Variants in SIPA1 observed in about 807,000 individuals in gnomAD.
SIPA1 encodes signal-induced proliferation-associated 1.
Under a neutral mutation model 88.1 loss-of-function variants are expected in SIPA1, and 51 were observed. That is an observed-to-expected ratio of 0.58 (90% CI 0.46 to 0.73). SIPA1 has a LOEUF of 0.73. Among genes scored for constraint, SIPA1 ranks in the 30% least tolerant of loss-of-function variants. The pLI is 0.00. For synonymous variants in SIPA1, 681 were observed against 664.8 expected (o/e 1.02, Z -0.37); for missense variants, 1,348 against 1,467.6 (o/e 0.92, Z 1.33).
At position 65,650,700 on chromosome 11, in the gene SIPA1, CG is replaced by C; in HGVS notation, c.3115del (p.Ala1039ProfsTer34). 1 of 1,580,038 alleles carries C rather than the reference CG, an allele frequency of 6.3e-7. No homozygotes were observed. Among genetic ancestry groups the C allele is most frequent in the Non-Finnish European group, 8.6e-7 (1 of 1,163,068 alleles). ...LASKQLGSPT[A>X]DLA ...CCTCCAAGCAGCTGGGCTCACCCACCGCCGACCTGGCCTGAGCCGTCTGGAA... is the reference window on the plus strand; with the variant it reads ...CCTCCAAGCAGCTGGGCTCACCCACCCCGACCTGGCCTGAGCCGTCTGGAA... On this transcript the variant is annotated frameshift_variant, in exon 16 of 16. Transcript: ENST00000534313. LOFTEE classifies it high-confidence loss of function.
Position 65,646,119 on chromosome 11 carries a change from G to C in SIPA1, c.1264-102G>C. ...GAAACACCCTAGGTCTTCACCAGGG[G>C]CAGTGGGGGAGCCATTGGTGCCTTG... On this transcript the variant is annotated intron_variant, in intron 6 of 15. Transcript: ENST00000534313. This position sits in a 1 kb window ranked among gnomAD's most constrained non-coding sequence, Gnocchi z 7.5. 7.0e-7 allele frequency: 1 copy of C among 1,424,262 alleles called. No homozygotes were observed. The highest frequency in any genetic ancestry group is 9.7e-7 in the Non-Finnish European group (1 of 1,029,106). 88.2% of individuals were successfully genotyped at this position (1,424,262 alleles called of 1,614,324 possible).
At position 65,649,252 on chromosome 11, in the gene SIPA1, C is replaced by T. The variant is rs200730963; in HGVS notation, c.2307-10C>T. 311 of 1,504,546 alleles carry T rather than the reference C, an allele frequency of 2.1e-4. 2 individuals carry two copies. The East Asian group carries it at 7.6e-3, about 37-fold the overall frequency. The allele number at this position is 1,504,546 out of a possible 1,614,324, so 93.2% of individuals were successfully genotyped here. On this transcript the variant is annotated splice_polypyrimidine_tract_variant and intron_variant, in intron 9 of 15. Transcript: ENST00000534313. ...GGAGAAGTCCTGCCTGACCCTGTCC[C>T]ACCCCACAGGAGTTTTTCGGAGCTG...
At chr11:65,647,871 TCTC>T (rs1369066691) in intron 9 of SIPA1, among the ~76,000 whole-genome samples, 2 of 148,512 alleles carry the variant, frequency 1.3e-5, no homozygotes, top group African/African-American at 2.5e-5. Flanking sequence ...CTCTCTCCTC[TCTC>T]TTTTTTTTTT....
In SIPA1 at chr11:65,642,104, G is replaced by C; in HGVS notation, c.680-146G>C. 1 of 1,169,090 alleles carries C rather than the reference G, an allele frequency of 8.6e-7. No individual in the cohort carries two copies. Among genetic ancestry groups the C allele is most frequent in the Non-Finnish European group, 1.2e-6 (1 of 833,838 alleles). The allele number at this position is 1,169,090 out of a possible 1,614,324, so 72.4% of individuals were successfully genotyped here. ...GGTTGAGATCAAGATATTGAGCTCGGGGCTACAGAGGGGCGGGACTTAGTC... is the reference window on the plus strand; with the variant it reads ...GGTTGAGATCAAGATATTGAGCTCGCGGCTACAGAGGGGCGGGACTTAGTC... On this transcript the variant is annotated intron_variant, in intron 2 of 15. Transcript: ENST00000534313. The surrounding 1 kb of genome is among the most constrained non-coding windows in gnomAD (Gnocchi z 6.5).
Position 65,650,623 on chromosome 11 carries a change from A to T in SIPA1, c.3037A>T (p.Asn1013Tyr). Reference sequence around the variant, plus strand: ...GGAGGTGCGGAGCCTGAGACACAACAACCGGCGGCTGCAGGCGGAGTCTGA... The same window carrying T: ...GGAGGTGCGGAGCCTGAGACACAACTACCGGCGGCTGCAGGCGGAGTCTGA... ...EEEVRSLRHN[N>Y]RRLQAESESA... The change falls in exon 16 of 16, where the codon AAC becomes TAC. Residue 1013 changes from asparagine to tyrosine, a missense_variant. Physicochemically the swap from Asn to Tyr is moderately radical, Grantham distance 143. This residue lies in a region of SIPA1 where 615 missense variants were observed against 559.8 expected (regional missense o/e 1.10). Transcript: ENST00000534313. 1.3e-6 allele frequency: 2 copies of T among 1,578,176 alleles called. No homozygotes were observed. The highest frequency in any genetic ancestry group is 1.7e-6 in the Non-Finnish European group (2 of 1,161,794).
Position 65,650,831 on chromosome 11 carries a change from T to G in SIPA1, c.*116T>G, listed in dbSNP as rs2135537829. 8.3e-7 allele frequency: 1 copy of G among 1,201,794 alleles called. No homozygotes were observed. 74.4% of individuals were successfully genotyped at this position (1,201,794 alleles called of 1,614,324 possible). On this transcript the variant is annotated 3_prime_UTR_variant, in exon 16 of 16. Coordinates refer to ENST00000534313, the MANE Select transcript of SIPA1 (RefSeq NM_006747.4). ...CTGCCCCCCTCCCTAGCCCCTTATTTGGTGGCGGAAGTGGCCTCCACCCCT... is the reference window on the plus strand; with the variant it reads ...CTGCCCCCCTCCCTAGCCCCTTATTGGGTGGCGGAAGTGGCCTCCACCCCT...
rs374168702 is a variant in SIPA1, at chr11:65,646,196, C to G, written c.1264-25C>G. The G allele has an allele frequency of 3.2e-5, 51 of 1,611,088 alleles. No homozygotes were observed. The highest frequency in any genetic ancestry group is 4.2e-5 in the Non-Finnish European group (50 of 1,178,668). On this transcript the variant is annotated intron_variant, in intron 6 of 15. Coordinates refer to ENST00000534313, the MANE Select transcript of SIPA1 (RefSeq NM_006747.4). The surrounding 1 kb of genome is among the most constrained non-coding windows in gnomAD (Gnocchi z 7.5). ...GTTTGGGGCACAGAAGACCTCATCA[C>G]GAGCCCCTACTATCCAACCCCTAGC... is the stretch of plus-strand genomic sequence containing the variant.
chr11:65,646,819 C>A lies in SIPA1; in HGVS notation c.1785C>A (p.Ala595=). The part of the protein sequence containing the change: ...VRAAPGARVA[A]GAQASGPEGI... ...CGGCGCCCGGGGCGCGGGTCGCCGCCGGGGCTCAGGCGAGCGGCCCCGAAG... is the reference window on the plus strand; with the variant it reads ...CGGCGCCCGGGGCGCGGGTCGCCGCAGGGGCTCAGGCGAGCGGCCCCGAAG... The change falls in exon 8 of 16, where the codon GCC becomes GCA. Residue 595 remains alanine, a synonymous_variant. Coordinates refer to ENST00000534313, the MANE Select transcript of SIPA1 (RefSeq NM_006747.4). This position sits in a 1 kb window ranked among gnomAD's most constrained non-coding sequence, Gnocchi z 7.5. 1 of 1,287,948 alleles carries A rather than the reference C, an allele frequency of 7.8e-7. No individual in the cohort carries two copies. Among genetic ancestry groups the A allele is most frequent in the Non-Finnish European group, 9.8e-7 (1 of 1,020,894 alleles). The allele number at this position is 1,287,948 out of a possible 1,614,324, so 79.8% of individuals were successfully genotyped here.
At position 65,649,997 on chromosome 11, in the gene SIPA1, A is replaced by G; in HGVS notation, c.2794A>G (p.Ile932Val). The change falls in exon 13 of 16, where the codon ATC becomes GTC. Residue 932 changes from isoleucine (I) to valine (V), a missense_variant. By Grantham distance (29) the Ile-to-Val change is conservative. Around this residue, in one of 4 missense-constraint regions of SIPA1, gnomAD observed 615 missense variants for 559.8 expected, o/e 1.10. Coordinates refer to ENST00000534313, the MANE Select transcript of SIPA1 (RefSeq NM_006747.4). The stretch of plus-strand genomic sequence containing the variant: ...GACCCTGGAGGACGAGTGGCAGGCC[A>G]TCTCGGAGATTGCCTCTACTTGCAA... ...SGTLEDEWQA[I>V]SEIASTCNTI... 6.2e-7 allele frequency: 1 copy of G among 1,613,810 alleles called. No homozygotes were observed. The highest frequency in any genetic ancestry group is 8.5e-7 in the Non-Finnish European group (1 of 1,179,942).
At chr11:65,640,491 C>T (rs941746335) in intron 1 of SIPA1, among the ~76,000 whole-genome samples, 9 of 152,236 alleles carry the variant, frequency 5.9e-5, no homozygotes, top group African/African-American at 1.4e-4. Context: ...GTCATCTGTC[C>T]GGTTGGGCTA....
At chr11:65,640,589 C>T (rs1013213641) in intron 1 of SIPA1, among the ~76,000 whole-genome samples, 1 of 152,224 alleles carries the variant, frequency 6.6e-6, no homozygotes, top group Non-Finnish European at 1.5e-5. Context: ...CCAGGGCTGC[C>T]CAGGCTCCAG....
chr11:65,642,207 C>A lies in SIPA1; in HGVS notation c.680-43C>A. 2 of 1,538,292 alleles carry A rather than the reference C, an allele frequency of 1.3e-6. No individual in the cohort carries two copies. The highest frequency in any genetic ancestry group is 1.7e-6 in the Non-Finnish European group (2 of 1,143,786). On this transcript the variant is annotated intron_variant, in intron 2 of 15. Transcript: ENST00000534313. The surrounding 1 kb of genome is among the most constrained non-coding windows in gnomAD (Gnocchi z 6.5). Reference sequence around the variant, plus strand: ...GCGTGGTCGAGCGGGGGCGGGGCTGCCAGAGGGCGGGACCAATCGTTTTCT... The same window carrying A: ...GCGTGGTCGAGCGGGGGCGGGGCTGACAGAGGGCGGGACCAATCGTTTTCT...
Position 65,642,447 on chromosome 11 carries a change from T to C in SIPA1, c.808-16T>C. 6.2e-7 allele frequency: 1 copy of C among 1,609,984 alleles called. No homozygotes were observed. Among genetic ancestry groups the C allele is most frequent in the Non-Finnish European group, 8.5e-7 (1 of 1,178,404 alleles). Reference sequence around the variant, plus strand: ...ACCTTGTATGCATCCTGAGTGCCCTTACACCCCTTCCTCAGCTCCGGACAC... The same window carrying C: ...ACCTTGTATGCATCCTGAGTGCCCTCACACCCCTTCCTCAGCTCCGGACAC... On this transcript the variant is annotated splice_polypyrimidine_tract_variant and intron_variant, in intron 3 of 15. Transcript: ENST00000534313. This position sits in a 1 kb window ranked among gnomAD's most constrained non-coding sequence, Gnocchi z 6.5.
At position 65,649,474 on chromosome 11, in the gene SIPA1, C is replaced by T; in HGVS notation, c.2519C>T (p.Pro840Leu). ...EFLHSQNSLSPRSSLSDEAPV... is the reference protein window; with the variant it reads ...EFLHSQNSLSLRSSLSDEAPV... The stretch of plus-strand genomic sequence containing the variant: ...CTGCACAGCCAGAACTCGCTGTCAC[C>T]ACGCAGGTGCACACTCTTGGCCTTC... The change falls in exon 10 of 16, where the codon CCA becomes CTA. Residue 840 changes from proline (P) to leucine (L), a missense_variant. Physicochemically the swap from Pro to Leu is moderately conservative, Grantham distance 98. Coordinates refer to ENST00000534313, the MANE Select transcript of SIPA1 (RefSeq NM_006747.4). The T allele has an allele frequency of 6.2e-7, 1 of 1,613,276 alleles. No individual in the cohort carries two copies. The highest frequency in any genetic ancestry group is 8.5e-7 in the Non-Finnish European group (1 of 1,179,536).
chr11:65,645,005 C>T lies in SIPA1; in HGVS notation c.1035C>T (p.Gly345=). The change falls in exon 5 of 16, where the codon GGC becomes GGT. Residue 345 remains glycine, a synonymous_variant. Coordinates refer to ENST00000534313, the MANE Select transcript of SIPA1 (RefSeq NM_006747.4). ...VGILYCRAGQ[G]SEEEMYNNQE... ...TCCTGTACTGCCGGGCGGGCCAGGG[C>T]TCGGAGGAGGAGATGTACAACAACC... 1 of 1,613,986 alleles carries T rather than the reference C, an allele frequency of 6.2e-7. No homozygotes were observed. Among genetic ancestry groups the T allele is most frequent in the Non-Finnish European group, 8.5e-7 (1 of 1,179,888 alleles).
chr11:65,650,721 C>A lies in SIPA1; in HGVS notation c.*6C>A. 6.4e-7 allele frequency: 1 copy of A among 1,561,902 alleles called. No homozygotes were observed. The highest frequency in any genetic ancestry group is 1.9e-5 in the Admixed American group (1 of 53,738). ...CCACCGCCGACCTGGCCTGAGCCGT[C>A]TGGAACCACCTGGGCCCCTGAGGGC... is the stretch of plus-strand genomic sequence containing the variant. On this transcript the variant is annotated 3_prime_UTR_variant, in exon 16 of 16. Coordinates refer to ENST00000534313, the MANE Select transcript of SIPA1 (RefSeq NM_006747.4).
chr11:65,650,454 G>A lies in SIPA1; in HGVS notation c.2957G>A (p.Arg986Lys), dbSNP rs1203977433. ...EKVSHLESML[R>K]KLQEDLQKEK... Reference sequence around the variant, plus strand: ...GTCTCTCACTTGGAGTCCATGCTCAGGAAGCTGCAGGAGGACCTGCAGAAG... The same window carrying A: ...GTCTCTCACTTGGAGTCCATGCTCAAGAAGCTGCAGGAGGACCTGCAGAAG... Residue 986 changes from arginine to lysine, a missense_variant, in exon 15 of 16, where the codon AGG becomes AAG. Physicochemically the swap from Arg to Lys is conservative, Grantham distance 26. Transcript: ENST00000534313. The A allele has an allele frequency of 1.2e-6, 2 of 1,614,060 alleles. No homozygotes were observed. The highest frequency in any genetic ancestry group is 1.3e-5 in the African/African-American group (1 of 74,920).
chr11:65,649,099 T>A, intron 9 of SIPA1, 163 bp from the exon 10 acceptor site: 1 of 587,110 alleles, frequency 1.7e-6, no homozygotes, highest in Non-Finnish European at 3.1e-6. Flanking sequence ...TGAACCATGG[T>A]CTGGAAAAAT....
chr11:65,649,326 G>A lies in SIPA1; in HGVS notation c.2371G>A (p.Val791Met). ...TAGCCGGCGGGGGGCCCCAGATCCT[G>A]TGCAGGATGAGGTCCAGGGGGTGAC... Reference protein sequence around the residue: ...EPSRRGAPDPVQDEVQGVTLL... With the variant: ...EPSRRGAPDPMQDEVQGVTLL... The change falls in exon 10 of 16, where the codon GTG becomes ATG. Residue 791 changes from valine (V) to methionine (M), a missense_variant. By Grantham distance (21) the Val-to-Met change is conservative. Transcript: ENST00000534313. The A allele has an allele frequency of 6.4e-7, 1 of 1,559,666 alleles. No individual in the cohort carries two copies. Among genetic ancestry groups the A allele is most frequent in the African/African-American group, 1.4e-5 (1 of 73,582 alleles).
Sources: gnomAD v4.1 joint callset for allele counts (sites outside exome capture counted in the v4.1 genomes callset) on GRCh38, gnomAD v4.1.1 for gene constraint, gnomAD v4.1.1 regional missense constraint, Gnocchi (gnomAD v3.1) non-coding constraint, MANE v1.5 for transcripts, NCBI Gene and HGNC (gene_info 2026-07-23, HGNC 2026-07-21) for gene names.